Variants in TRAF3IP1 observed in about 807,000 individuals in gnomAD.
TRAF3IP1 encodes the protein intraflagellar transport 54.
A neutral mutation model predicts 89.9 loss-of-function variants in TRAF3IP1; 53 were observed. That is an observed-to-expected ratio of 0.59 (90% CI 0.47 to 0.74). The LOEUF (loss-of-function observed/expected upper bound fraction) is 0.74. Among genes scored for constraint, TRAF3IP1 ranks in the 30% least tolerant of loss-of-function variants. The pLI is 0.00. For missense variants in TRAF3IP1, 806 were observed against 866.1 expected (o/e 0.93, Z 0.87); for synonymous variants, 311 against 322.1 (o/e 0.97, Z 0.37).
chr2:238,352,859 T>G lies in TRAF3IP1; in HGVS notation c.1484T>G (p.Ile495Ser). ...SGSGKTVSNV[I>S]TESHNSDNEE... is the part of the protein sequence containing the mutation. ...AGTGGTAAAACCGTTTCAAATGTGA[T>G]TACAGAGTCACACAATTCTGACAAT... is the stretch of plus-strand genomic sequence containing the variant. Residue 495 changes from isoleucine (I) to serine (S), a missense_variant, in exon 13 of 17, where the codon ATT becomes AGT. Ile to Ser is a moderately radical substitution (Grantham distance 142, BLOSUM62 -2). Coordinates refer to ENST00000373327, the MANE Select transcript of TRAF3IP1 (RefSeq NM_015650.4). 6.2e-7 allele frequency: 1 copy of G among 1,613,306 alleles called. No homozygotes were observed. Among genetic ancestry groups the G allele is most frequent in the Non-Finnish European group, 8.5e-7 (1 of 1,179,606 alleles).
At chr2:238,362,879 C>T (rs185768715) in intron 15 of TRAF3IP1, among the ~76,000 whole-genome samples, 20 of 152,306 alleles carry the variant, frequency 1.3e-4, no homozygotes, top group Admixed American at 5.2e-4. Flanking sequence ...ACATGTGGGC[C>T]GCACACAGTG....
At chr2:238,326,050 G>C in intron 3 of TRAF3IP1, 80 bp downstream of exon 3, 1 of 1,444,264 alleles carries the variant, frequency 6.9e-7, no homozygotes, top group African/African-American at 1.4e-5. Context: ...TCACATGTGC[G>C]GGCGGTTTAG....
At chr2:238,395,620 C>T (rs1389897273) in intron 15 of TRAF3IP1, among the ~76,000 whole-genome samples, 3 of 152,108 alleles carry the variant, frequency 2.0e-5, no homozygotes, top group African/African-American at 7.2e-5. Context: ...AGAAAATTTT[C>T]GCAACCTTCT....
chr2:238,327,646 GTAAAT>G (rs1390815035), intron 3 of TRAF3IP1, among the ~76,000 whole-genome samples: 1 of 152,056 alleles, frequency 6.6e-6, no homozygotes, highest in East Asian at 1.9e-4. Context: ...TTCAGTGCTG[GTAAAT>G]TCATTCATCT....
chr2:238,398,633 AT>A, intron 16 of TRAF3IP1, 120 bp from the exon 17 acceptor site: 1 of 1,172,174 alleles, frequency 8.5e-7, no homozygotes, highest in Non-Finnish European at 1.2e-6. Context: ...AGAAATAAAT[AT>A]TATCCTTTTC....
chr2:238,357,122 C>T (rs1699451295), intron 15 of TRAF3IP1, among the ~76,000 whole-genome samples: 1 of 152,054 alleles, frequency 6.6e-6, no homozygotes, highest in East Asian at 1.9e-4. Context: ...TTCTATTGTA[C>T]CTGGTTCCCC....
intron 10 of TRAF3IP1, among the ~76,000 whole-genome samples, chr2:238,348,374 T>C (rs1254805127): frequency 1.3e-5 from 2 of 152,172 alleles, no homozygotes; most frequent in Non-Finnish European, 2.9e-5. Context: ...GACTGTACCA[T>C]AATTTACTTA....
chr2:238,353,517 C>T lies in TRAF3IP1; in HGVS notation c.1612+308C>T, dbSNP rs866794869. ...CGATTAAATTGTGGAAGTAGATGATCTCTGAGGCCCTTTGCAAGTCTAGTT... is the reference window on the plus strand; with the variant it reads ...CGATTAAATTGTGGAAGTAGATGATTTCTGAGGCCCTTTGCAAGTCTAGTT... On this transcript the variant is annotated intron_variant, in intron 14 of 16. Transcript: ENST00000373327. 7.9e-5 allele frequency among the ~76,000 whole-genome samples: 12 copies of T among 152,264 alleles called. No homozygotes were observed. The Middle Eastern group carries it at 0.017, about 216-fold the overall frequency.
At chr2:238,357,375 T>G (rs1294740757) in intron 15 of TRAF3IP1, among the ~76,000 whole-genome samples, 1 of 152,240 alleles carries the variant, frequency 6.6e-6, no homozygotes, top group Non-Finnish European at 1.5e-5. Context: ...TAAAAAAGTT[T>G]TATATATAGG....
intron 15 of TRAF3IP1, among the ~76,000 whole-genome samples, chr2:238,369,231 T>C (rs1312398850): frequency 8.2e-6 from 1 of 121,336 alleles, no homozygotes; most frequent in Non-Finnish European, 1.6e-5. Flanking sequence ...TAAATATATA[T>C]TTTTAACAAT....
At chr2:238,367,980 A>G (rs56915812) in intron 15 of TRAF3IP1, among the ~76,000 whole-genome samples, 1,184 of 78,758 alleles carry the variant, frequency 0.015, 17 homozygotes, top group African/African-American at 0.053. Flanking sequence ...CTTCCCTTTG[A>G]AAAAAAAAAG....
rs1449906121 is a variant in TRAF3IP1 at position 238,344,490 on chromosome 2, A to G, written c.1160-7A>G. The stretch of plus-strand genomic sequence containing the variant: ...TTAATGACTAATTTTAAACTGTTTT[A>G]TGTCAGGAACAAAAGAAGCTAATAT... On this transcript the variant is annotated splice_region_variant and splice_polypyrimidine_tract_variant and intron_variant, in intron 8 of 16. Transcript: ENST00000373327. 3.1e-6 allele frequency: 5 copies of G among 1,612,002 alleles called. No individual in the cohort carries two copies. The East Asian group carries it at 1.1e-4, about 36-fold the overall frequency.
intron 15 of TRAF3IP1, among the ~76,000 whole-genome samples, chr2:238,364,926 G>T (rs921819189): frequency 2.0e-5 from 3 of 152,180 alleles, no homozygotes; most frequent in Non-Finnish European, 4.4e-5. Flanking sequence ...GTTGTAATAA[G>T]CAAGCAAATA....
Position 238,351,877 on chromosome 2 carries a change from G to GCA in TRAF3IP1, c.1452-949_1452-948insAC, listed in dbSNP as rs1477268394. ...TGTGTGTGTGTGTGTGCGCGCGCGC[G>GCA]CGTGTGCGTGCATGTGCTTGTGTGT... On this transcript the variant is annotated intron_variant, in intron 12 of 16. Transcript: ENST00000373327. The surrounding 1 kb of genome is among the most constrained non-coding windows in gnomAD (Gnocchi z 5.2). 2.6e-5 allele frequency among the ~76,000 whole-genome samples: 4 copies of GCA among 151,058 alleles called. No individual in the cohort carries two copies. Among genetic ancestry groups the GCA allele is most frequent in the South Asian group, 2.1e-4 (1 of 4,764 alleles).
At chr2:238,365,065 T>TA (rs1473654134) in intron 15 of TRAF3IP1, among the ~76,000 whole-genome samples, 2 of 152,238 alleles carry the variant, frequency 1.3e-5, no homozygotes, top group Admixed American at 6.5e-5. Flanking sequence ...ATGTTTTAAT[T>TA]AAAGTCAGTG....
chr2:238,325,173 A>G lies in TRAF3IP1; in HGVS notation c.124-133A>G, dbSNP rs1042623611. 8.0e-6 allele frequency: 7 copies of G among 873,310 alleles called. No homozygotes were observed. The African/African-American group carries it at 1.0e-4, about 12-fold the overall frequency. The allele number at this position is 873,310 out of a possible 1,614,324, so 54.1% of individuals were successfully genotyped here. A position where few individuals can be genotyped will look rare whatever the true frequency, so the allele number is the denominator to read the frequency against. On this transcript the variant is annotated intron_variant, in intron 1 of 16. Coordinates refer to ENST00000373327, the MANE Select transcript of TRAF3IP1 (RefSeq NM_015650.4). The stretch of plus-strand genomic sequence containing the variant: ...ACAGCACGTGTAGTAGACATCAAAT[A>G]TTTCTTAAGTGGATGATTCAAATCT...
In TRAF3IP1 at chr2:238,325,483, T is replaced by C. The variant is rs538795053; in HGVS notation, c.192+109T>C. ...ATTTCTCTGCTGCATGTGGTTGGAA[T>C]ACAAGGTCAGTGAATTCGTAAATTG... On this transcript the variant is annotated intron_variant, in intron 2 of 16. Transcript: ENST00000373327. The C allele has an allele frequency of 3.2e-5, 37 of 1,152,034 alleles. No individual in the cohort carries two copies. The African/African-American group carries it at 4.9e-4, about 15-fold the overall frequency. 71.4% of individuals were successfully genotyped at this position (1,152,034 alleles called of 1,614,324 possible).
At chr2:238,394,190 C>T (rs141847582) in intron 15 of TRAF3IP1, among the ~76,000 whole-genome samples, 270 of 152,056 alleles carry the variant, frequency 1.8e-3, no homozygotes, top group African/African-American at 6.3e-3. Context: ...AGTGAGACTC[C>T]GTTTCAAAAA....
chr2:238,330,857 A>G (rs1157966730), intron 5 of TRAF3IP1, among the ~76,000 whole-genome samples: 1 of 152,210 alleles, frequency 6.6e-6, no homozygotes, highest in Non-Finnish European at 1.5e-5. Context: ...CCTCCACTGC[A>G]CATCCTGGAG....
Sources: gnomAD v4.1 joint callset for allele counts (sites outside exome capture counted in the v4.1 genomes callset) on GRCh38, gnomAD v4.1.1 for gene constraint, Gnocchi (gnomAD v3.1) non-coding constraint, MANE v1.5 for transcripts, NCBI Gene and HGNC (gene_info 2026-07-23, HGNC 2026-07-21) for gene names.